The following MAGI1 variants were observed in gnomAD, a reference collection of about 807,000 sequenced individuals.
MAGI1 encodes the protein membrane associated guanylate kinase, WW and PDZ domain containing 1.
A neutral mutation model predicts 139.9 loss-of-function variants in MAGI1; 58 were observed. The observed-to-expected ratio is 0.41, with a 90% CI of 0.34 to 0.52. The LOEUF (loss-of-function observed/expected upper bound fraction) is 0.52. Among genes scored for constraint, MAGI1 ranks in the 20% least tolerant of loss-of-function variants. MAGI1 has a pLI of 0.12. For missense variants in MAGI1, 1,874 were observed against 1,901.6 expected (o/e 0.99, Z 0.27); for synonymous variants, 812 against 737.9 (o/e 1.10, Z -1.63).
intron 2 of MAGI1, among the ~76,000 whole-genome samples, chr3:65,540,215 C>G (rs2079146665): frequency 6.6e-6 from 1 of 152,194 alleles, no homozygotes. Flanking sequence ...TCAGTAATCA[C>G]AACCAATAGG....
At chr3:65,801,718 A>G (rs577477967) in intron 1 of MAGI1, among the ~76,000 whole-genome samples, 1 of 152,328 alleles carries the variant, frequency 6.6e-6, no homozygotes, top group Admixed American at 6.5e-5. Flanking sequence ...GACAGTAATT[A>G]TATTTTAAAT....
chr3:65,495,616 T>C (rs1952374796), intron 2 of MAGI1, among the ~76,000 whole-genome samples: 1 of 152,172 alleles, frequency 6.6e-6, no homozygotes, highest in African/African-American at 2.4e-5. Context: ...CAAATATGTA[T>C]ATAAATAAAT....
intron 1 of MAGI1, among the ~76,000 whole-genome samples, chr3:65,910,116 A>C (rs1022479026): frequency 1.3e-5 from 2 of 152,220 alleles, no homozygotes; most frequent in Non-Finnish European, 2.9e-5. Flanking sequence ...ACAGACCAGC[A>C]TCAGTCCATG....
chr3:65,896,015 C>T (rs541863431), intron 1 of MAGI1, among the ~76,000 whole-genome samples: 1 of 152,256 alleles, frequency 6.6e-6, no homozygotes, highest in African/African-American at 2.4e-5. Context: ...ACTACCATTG[C>T]ATCTCTGTAA....
intron 1 of MAGI1, among the ~76,000 whole-genome samples, chr3:65,747,410 C>T (rs1336511184): frequency 1.3e-5 from 2 of 152,212 alleles, no homozygotes; most frequent in Non-Finnish European, 2.9e-5. Flanking sequence ...GATGGCCAAA[C>T]ATCTAACAAA....
At chr3:65,702,738 G>A (rs1320415727) in intron 1 of MAGI1, among the ~76,000 whole-genome samples, 1 of 152,070 alleles carries the variant, frequency 6.6e-6, no homozygotes, top group Non-Finnish European at 1.5e-5. Context: ...TACTTATTTT[G>A]TTTGTTTTAC....
At chr3:65,498,232 G>A (rs572469512) in intron 2 of MAGI1, among the ~76,000 whole-genome samples, 1 of 147,448 alleles carries the variant, frequency 6.8e-6, no homozygotes, top group Non-Finnish European at 1.5e-5. Flanking sequence ...GACAGAAGAC[G>A]AGTCAAACAA....
intron 1 of MAGI1, among the ~76,000 whole-genome samples, chr3:65,712,835 A>T (rs1313529608): frequency 6.6e-6 from 1 of 152,222 alleles, no homozygotes; most frequent in African/African-American, 2.4e-5. Context: ...AATGACCTAA[A>T]TAGCATTCTA....
intron 2 of MAGI1, among the ~76,000 whole-genome samples, chr3:65,494,712 GA>G (rs1952298055): frequency 4.6e-5 from 7 of 152,316 alleles, no homozygotes; most frequent in Admixed American, 1.3e-4. Context: ...TTAAATAACC[GA>G]CTATATGTGC....
intron 1 of MAGI1, among the ~76,000 whole-genome samples, chr3:65,968,287 A>C (rs1031236235): frequency 6.6e-6 from 1 of 152,242 alleles, no homozygotes; most frequent in African/African-American, 2.4e-5. Flanking sequence ...AAATGCAATT[A>C]TATGTGCATA....
chr3:65,819,307 CA>C (rs2041800847), intron 1 of MAGI1, among the ~76,000 whole-genome samples: 2 of 152,136 alleles, frequency 1.3e-5, no homozygotes, highest in Non-Finnish European at 2.9e-5. Flanking sequence ...AAACAAACAA[CA>C]ACAACAAAAT....
chr3:65,645,710 G>T (rs1201360173), intron 1 of MAGI1, among the ~76,000 whole-genome samples: 4 of 152,046 alleles, frequency 2.6e-5, no homozygotes, highest in Non-Finnish European at 4.4e-5. Flanking sequence ...AAGAGTACAT[G>T]GAGGAAATAT....
chr3:66,000,197 C>G (rs1017321321), intron 1 of MAGI1, among the ~76,000 whole-genome samples: 3 of 151,966 alleles, frequency 2.0e-5, no homozygotes, highest in Non-Finnish European at 4.4e-5. Context: ...AGAACGGTCT[C>G]GATCTCCTGA....
At chr3:65,478,257 C>G (rs542400267) in intron 4 of MAGI1, among the ~76,000 whole-genome samples, 11 of 151,760 alleles carry the variant, frequency 7.2e-5, no homozygotes, top group Admixed American at 2.0e-4. Flanking sequence ...GTTACCCCCC[C>G]CAAAAAAAAT....
chr3:65,533,061 C>T (rs1233615071), intron 2 of MAGI1, among the ~76,000 whole-genome samples: 4 of 152,186 alleles, frequency 2.6e-5, no homozygotes, highest in Non-Finnish European at 5.9e-5. Flanking sequence ...TTTTGGGGGG[C>T]ATCCACTGTA....
intron 1 of MAGI1, among the ~76,000 whole-genome samples, chr3:65,696,993 G>A (rs570573554): frequency 1.3e-5 from 2 of 152,058 alleles, no homozygotes. Context: ...TAATAAAGAA[G>A]AAAAGAGAGA....
In MAGI1 at chr3:65,379,418, G is replaced by A; in HGVS notation, c.2838C>T (p.Gly946=). ...NSLNTVSSGS[G]STSGIGSGGG... is the part of the protein sequence containing the mutation. ...CGCCACTGCCGATGCCGCTGGTGCTGCCGCTGCCCGAGCTCACCGTGTTCA... is the reference window on the plus strand; with the variant it reads ...CGCCACTGCCGATGCCGCTGGTGCTACCGCTGCCCGAGCTCACCGTGTTCA... Residue 946 remains glycine (G), a synonymous_variant, in exon 17 of 23, where the codon GGC becomes GGT. Transcript: ENST00000402939. 6.2e-7 allele frequency: 1 copy of A among 1,613,484 alleles called. No homozygotes were observed.
intron 1 of MAGI1, among the ~76,000 whole-genome samples, chr3:65,731,747 G>C (rs375712537): frequency 1.3e-5 from 2 of 151,712 alleles, no homozygotes; most frequent in African/African-American, 2.4e-5. Context: ...AATAAATGGC[G>C]CTCTGAAAAT....
At chr3:65,798,688 C>A (rs905187091) in intron 1 of MAGI1, among the ~76,000 whole-genome samples, 1 of 152,308 alleles carries the variant, frequency 6.6e-6, no homozygotes, top group Admixed American at 6.5e-5. Context: ...ACTACAGCTA[C>A]AGTAGTCCCC....
Sources: gnomAD v4.1 joint callset for allele counts (sites outside exome capture counted in the v4.1 genomes callset) on GRCh38, gnomAD v4.1.1 for gene constraint, MANE v1.5 for transcripts, NCBI Gene and HGNC (gene_info 2026-07-23, HGNC 2026-07-21) for gene names.